Variants in GALNTL6 observed in about 807,000 individuals in gnomAD.
GALNTL6 encodes the protein polypeptide N-acetylgalactosaminyltransferase-like 6.
In GALNTL6, 46 loss-of-function variants were observed where a neutral mutation model predicts 73.7. The ratio of observed to expected loss-of-function variants is 0.62; its 90% CI spans 0.49 to 0.80. The LOEUF is 0.80. GALNTL6 is among the 30% of genes least tolerant of loss of function. The pLI, the probability that GALNTL6 is intolerant of heterozygous loss-of-function variation, is 0.00. For missense variants in GALNTL6, 604 were observed against 755.0 expected (o/e 0.80, Z 2.34); for synonymous variants, 259 against 263.7 (o/e 0.98, Z 0.17).
intron 5 of GALNTL6, among the ~76,000 whole-genome samples, chr4:172,361,336 T>C (rs1742362163): frequency 6.7e-6 from 1 of 149,650 alleles, no homozygotes; most frequent in Non-Finnish European, 1.5e-5. Context: ...TTACAAGTCA[T>C]CATTAGTGGC....
intron 5 of GALNTL6, among the ~76,000 whole-genome samples, chr4:172,356,145 T>C (rs565876990): frequency 1.9e-4 from 29 of 152,286 alleles, no homozygotes; most frequent in African/African-American, 6.5e-4. Flanking sequence ...CACAAAGGCA[T>C]GACTTCCTCA....
chr4:172,409,777 C>T (rs1342647199), intron 5 of GALNTL6, among the ~76,000 whole-genome samples: 1 of 151,968 alleles, frequency 6.6e-6, no homozygotes, highest in East Asian at 1.9e-4. Flanking sequence ...TGTATAGTAG[C>T]TAGACCTGCA....
At chr4:172,068,798 A>C (rs1448853535) in intron 2 of GALNTL6, among the ~76,000 whole-genome samples, 1 of 111,024 alleles carries the variant, frequency 9.0e-6, no homozygotes, top group African/African-American at 3.4e-5. Context: ...TGAAAGAATA[A>C]ATGAAATTCC....
intron 5 of GALNTL6, among the ~76,000 whole-genome samples, chr4:172,789,061 T>G (rs941030501): frequency 1.3e-5 from 2 of 152,200 alleles, no homozygotes; most frequent in Admixed American, 1.3e-4. Flanking sequence ...ACACACCAAG[T>G]GGTAGACGCC....
intron 2 of GALNTL6, among the ~76,000 whole-genome samples, chr4:172,101,870 A>T (rs1278714348): frequency 6.6e-6 from 1 of 152,060 alleles, no homozygotes; most frequent in African/African-American, 2.4e-5. Flanking sequence ...TTTTAAAGTG[A>T]GTTGAAATAA....
rs577299720 is a variant in GALNTL6 at position 172,803,120 on chromosome 4, G to A, written c.554-6241G>A. 9.2e-5 allele frequency among the ~76,000 whole-genome samples: 14 copies of A among 152,118 alleles called. 1 individual carries two copies. Among genetic ancestry groups the A allele is most frequent in the East Asian group, 1.9e-4 (1 of 5,190 alleles). ...TTCTTTCCCAGTTCATCTGCATCTCGTTATTGGGCAGAAAGAATAAACAGC... is the reference window on the plus strand; with the variant it reads ...TTCTTTCCCAGTTCATCTGCATCTCATTATTGGGCAGAAAGAATAAACAGC... On this transcript the variant is annotated intron_variant, in intron 5 of 12. Coordinates refer to ENST00000506823, the MANE Select transcript of GALNTL6 (RefSeq NM_001034845.3).
At chr4:173,003,079 C>T (rs1752118004) in intron 10 of GALNTL6, among the ~76,000 whole-genome samples, 1 of 152,076 alleles carries the variant, frequency 6.6e-6, no homozygotes, top group African/African-American at 2.4e-5. Flanking sequence ...ATTTTGAATG[C>T]ACTTAATGCT....
intron 8 of GALNTL6, among the ~76,000 whole-genome samples, chr4:172,928,894 G>C (rs894553609): frequency 1.3e-5 from 2 of 152,192 alleles, no homozygotes; most frequent in African/African-American, 4.8e-5. Context: ...GATAGATCTA[G>C]ATCGTTGGTC....
chr4:172,602,716 C>G (rs779404133), intron 5 of GALNTL6, among the ~76,000 whole-genome samples: 6 of 152,002 alleles, frequency 3.9e-5, no homozygotes, highest in Non-Finnish European at 8.8e-5. Flanking sequence ...TGTGACATAC[C>G]AATTAAACTT....
chr4:171,880,088 C>T (rs1012097471), intron 2 of GALNTL6, among the ~76,000 whole-genome samples: 2 of 152,126 alleles, frequency 1.3e-5, no homozygotes, highest in African/African-American at 4.8e-5. Context: ...GGATGCCATA[C>T]ATCTAAGGTA....
chr4:172,968,529 A>G (rs1198332503), intron 10 of GALNTL6, among the ~76,000 whole-genome samples: 1 of 152,232 alleles, frequency 6.6e-6, no homozygotes, highest in Non-Finnish European at 1.5e-5. Flanking sequence ...CAAAAAAAGA[A>G]TAAGAAATCT....
chr4:172,242,527 T>C (rs952021432), intron 3 of GALNTL6, among the ~76,000 whole-genome samples: 1 of 152,190 alleles, frequency 6.6e-6, no homozygotes, highest in African/African-American at 2.4e-5. Context: ...GTTTCAACTG[T>C]TCTATATGAT....
intron 2 of GALNTL6, among the ~76,000 whole-genome samples, chr4:171,935,728 G>A (rs989304790): frequency 1.3e-5 from 2 of 152,124 alleles, no homozygotes; most frequent in African/African-American, 4.8e-5. Flanking sequence ...TCAGCCTTCA[G>A]GAGAGCAAAT....
chr4:172,761,178 G>A (rs115333820), intron 5 of GALNTL6, among the ~76,000 whole-genome samples: 1,595 of 152,248 alleles, frequency 0.01, 15 homozygotes, highest in Non-Finnish European at 0.018. Context: ...AAAAAAATTA[G>A]GTGGTACAAG....
chr4:172,921,313 G>T (rs1300485571), intron 8 of GALNTL6, among the ~76,000 whole-genome samples: 1 of 152,068 alleles, frequency 6.6e-6, no homozygotes, highest in Non-Finnish European at 1.5e-5. Flanking sequence ...CTCCCTTATT[G>T]TCCTCCTAAT....
At chr4:172,660,646 T>G (rs919776971) in intron 5 of GALNTL6, among the ~76,000 whole-genome samples, 9 of 152,198 alleles carry the variant, frequency 5.9e-5, no homozygotes, top group African/African-American at 2.2e-4. Context: ...TTCAAAGTCA[T>G]GTGAAGGAAA....
At chr4:173,000,995 C>T (rs1752020252) in intron 10 of GALNTL6, among the ~76,000 whole-genome samples, 1 of 151,866 alleles carries the variant, frequency 6.6e-6, no homozygotes, top group South Asian at 2.1e-4. Flanking sequence ...TATGGTGGGC[C>T]CCAATCCAAT....
Position 172,955,461 on chromosome 4 carries a change from G to GA in GALNTL6, c.1371+3213dup, listed in dbSNP as rs569678655. On this transcript the variant is annotated intron_variant, in intron 10 of 12. Coordinates refer to ENST00000506823, the MANE Select transcript of GALNTL6 (RefSeq NM_001034845.3). ...GAGTGAGACTGTCTCAAAATAAAAAGAAAAAAAAAAGGATAAAAAATTATT... is the reference window on the plus strand; with the variant it reads ...GAGTGAGACTGTCTCAAAATAAAAAGAAAAAAAAAAAGGATAAAAAATTATT... 8.6e-4 allele frequency among the ~76,000 whole-genome samples: 117 copies of GA among 136,444 alleles called. No individual in the cohort carries two copies. In the East Asian group the frequency reaches 0.014, roughly 16 times the overall value. 89.5% of individuals were successfully genotyped at this position (136,444 alleles called of 152,430 possible).
intron 5 of GALNTL6, among the ~76,000 whole-genome samples, chr4:172,574,114 G>A (rs112806283): frequency 3.3e-5 from 5 of 152,192 alleles, no homozygotes; most frequent in African/African-American, 1.2e-4. Context: ...TTCCTGTTTC[G>A]ATTTGACTTA....
Sources: allele counts gnomAD v4.1 joint callset (sites outside exome capture counted in the v4.1 genomes callset), GRCh38; gene constraint gnomAD v4.1.1; transcripts MANE v1.5; gene names NCBI Gene and HGNC (gene_info 2026-07-23, HGNC 2026-07-21).